The following SHH variants were observed in gnomAD, a reference collection of about 807,000 sequenced individuals.
The protein encoded by SHH is sonic hedgehog signaling molecule.
SHH carries 3 observed loss-of-function variants against 16.6 expected under a neutral mutation model. That is an observed-to-expected ratio of 0.18 (90% CI 0.08 to 0.47). SHH has a LOEUF of 0.47. Ranked by LOEUF, SHH falls within the 20% of genes least tolerant of loss-of-function variation. The probability of loss-of-function intolerance (pLI) is 0.98; values close to 1 mark genes in which losing one functional copy is unlikely to be tolerated. For synonymous variants in SHH, 351 were observed against 316.2 expected (o/e 1.11, Z -1.17); for missense variants, 499 against 665.0 (o/e 0.75, Z 2.75).
intron 1 of SHH, among the ~76,000 whole-genome samples, chr7:155,810,014 C>G (rs1206606150): frequency 6.6e-6 from 1 of 152,002 alleles, no homozygotes; most frequent in African/African-American, 2.4e-5. Context: ...CTACAGCGAG[C>G]CCGGCGCTGC....
chr7:155,806,148 G>A, intron 2 of SHH, 148 bp downstream of exon 2: 2 of 951,856 alleles, frequency 2.1e-6, no homozygotes, highest in Non-Finnish European at 3.3e-6. Flanking sequence ...ACCTCACAGG[G>A]CAGGTTCCAC....
rs1224536995 is a variant in SHH at position 155,809,387 on chromosome 7, C to A, written c.300+2436G>T. Among the ~76,000 whole-genome samples the A allele has an allele frequency of 1.3e-5, 2 of 152,096 alleles. No individual in the cohort carries two copies. Among genetic ancestry groups the A allele is most frequent in the African/African-American group, 2.4e-5 (1 of 41,422 alleles). On this transcript the variant is annotated intron_variant, in intron 1 of 2. Transcript: ENST00000297261. This position sits in a 1 kb window ranked among gnomAD's most constrained non-coding sequence, Gnocchi z 6.1. ...AGGGCGGCCGAGCAGGCTCCCCAAA[C>A]CTCCCGCCGGCCTGGGGCTCCCCTG...
rs774131404 is a variant in SHH, at chr7:155,812,103, C to T, written c.20G>A (p.Cys7Tyr). MLLLARCLLLVLVSSLL... is the reference protein window; with the variant it reads MLLLARYLLLVLVSSLL... ...CGAGGAGACGAGGACTAGCAGCAGA[C>T]ATCTCGCCAGCAGCAGCATCTCGCC... Residue 7 changes from cysteine to tyrosine, a missense_variant, in exon 1 of 3, where the codon TGT becomes TAT. Around this residue, in one of 4 missense-constraint regions of SHH, gnomAD observed 75 missense variants for 115.0 expected, o/e 0.65. Coordinates refer to ENST00000297261, the MANE Select transcript of SHH (RefSeq NM_000193.4). 3.1e-6 allele frequency: 5 copies of T among 1,614,196 alleles called. No individual in the cohort carries two copies. Among genetic ancestry groups the T allele is most frequent in the Middle Eastern group, 3.3e-4 (2 of 6,058 alleles).
chr7:155,809,218 A>G lies in SHH; in HGVS notation c.300+2605T>C, dbSNP rs1283525968. 1 of 152,274 alleles carries G rather than the reference A, an allele frequency of 6.6e-6. No homozygotes were observed. The highest frequency in any genetic ancestry group is 6.5e-5 in the Admixed American group (1 of 15,286). 9.4% of individuals were successfully genotyped at this position (152,274 alleles called of 1,614,324 possible). A position where few individuals can be genotyped will look rare whatever the true frequency, so the allele number is the denominator to read the frequency against. On this transcript the variant is annotated intron_variant, in intron 1 of 2. Coordinates refer to ENST00000297261, the MANE Select transcript of SHH (RefSeq NM_000193.4). The surrounding 1 kb of genome is among the most constrained non-coding windows in gnomAD (Gnocchi z 6.1). ...TAACCGGCAGCTCCTGCGTTCCGGA[A>G]CTGCTCCGAAAGTTCCACTGGGGAC...
At position 155,812,399 on chromosome 7, in the gene SHH, G is replaced by T. The variant is rs1175383573; in HGVS notation, c.-277C>A. On this transcript the variant is annotated 5_prime_UTR_variant, in exon 1 of 3. Transcript: ENST00000297261. ...TAACGGAACACATCGGAGTTGGGTCGCGAGACAGCAATCAAAAGACAAAAA... is the reference window on the plus strand; with the variant it reads ...TAACGGAACACATCGGAGTTGGGTCTCGAGACAGCAATCAAAAGACAAAAA... The T allele has an allele frequency of 5.4e-6, 3 of 555,920 alleles. No homozygotes were observed. The highest frequency in any genetic ancestry group is 9.7e-6 in the Non-Finnish European group (3 of 308,242). 34.4% of individuals were successfully genotyped at this position (555,920 alleles called of 1,614,324 possible).
chr7:155,811,449 C>T (rs1187659095), intron 1 of SHH, among the ~76,000 whole-genome samples: 1 of 152,216 alleles, frequency 6.6e-6, no homozygotes, highest in Non-Finnish European at 1.5e-5. Context: ...TTCCCAGCCT[C>T]TCCTTCCATT....
intron 1 of SHH, chr7:155,808,869 T>TG (rs1451469280): frequency 2.0e-5 from 3 of 152,186 alleles, no homozygotes; most frequent in Non-Finnish European, 4.4e-5. Flanking sequence ...CAGCAGCCGG[T>TG]GGGCTTCCCC....
At position 155,803,594 on chromosome 7, in the gene SHH, C is replaced by A. The variant is rs1409337099; in HGVS notation, c.695G>T (p.Arg232Leu). 2 of 1,598,260 alleles carry A rather than the reference C, an allele frequency of 1.3e-6. No homozygotes were observed. Among genetic ancestry groups the A allele is most frequent in the Non-Finnish European group, 1.7e-6 (2 of 1,179,478 alleles). The part of the protein sequence containing the change: ...DRVLAADDQG[R>L]LLYSDFLTFL... Reference sequence around the variant, plus strand: ...AGTGAGGAAGTCGCTGTAGAGCAGCCGGCCCTGGTCGTCCGCCGCCAGCAC... The same window carrying A: ...AGTGAGGAAGTCGCTGTAGAGCAGCAGGCCCTGGTCGTCCGCCGCCAGCAC... Residue 232 changes from arginine (R) to leucine (L), a missense_variant, in exon 3 of 3, where the codon CGG (arginine) becomes CTG (leucine). Arg to Leu is a moderately radical substitution (Grantham distance 102). Coordinates refer to ENST00000297261, the MANE Select transcript of SHH (RefSeq NM_000193.4).
In SHH at chr7:155,804,565, C is replaced by T. The variant is rs1237956580; in HGVS notation, c.563-839G>A. Among the ~76,000 whole-genome samples, 24 of 151,778 alleles carry T rather than the reference C, an allele frequency of 1.6e-4. 1 individual carries two copies. Among genetic ancestry groups the T allele is most frequent in the African/African-American group, 5.1e-4 (21 of 41,266 alleles). On this transcript the variant is annotated intron_variant, in intron 2 of 2. Transcript: ENST00000297261. ...TATTTGCTCAGGTGCAACCCCCCCC[C>T]ACCCCGTGTGCAATTCACAAGCACT...
At position 155,803,355 on chromosome 7, in the gene SHH, C is replaced by T; in HGVS notation, c.934G>A (p.Gly312Ser). 6.9e-7 allele frequency: 1 copy of T among 1,456,154 alleles called. No individual in the cohort carries two copies. The highest frequency in any genetic ancestry group is 9.0e-7 in the Non-Finnish European group (1 of 1,115,634). The allele number at this position is 1,456,154 out of a possible 1,614,324, so 90.2% of individuals were successfully genotyped here. A position where few individuals can be genotyped will look rare whatever the true frequency, so the allele number is the denominator to read the frequency against. The change falls in exon 3 of 3, where the codon GGC becomes AGC. Residue 312 changes from glycine (G) to serine (S), a missense_variant. Gly to Ser is a moderately conservative substitution (Grantham distance 56, BLOSUM62 0). This residue lies in a region of SHH where 299 missense variants were observed against 301.1 expected (regional missense o/e 0.99). Transcript: ENST00000297261. The part of the protein sequence containing the change: ...RALFASRVRP[G>S]QRVYVVAERD... ...TCGGCCACCACGTACACGCGCTGGC[C>T]CGGGCGCACGCGGCTGGCGAACAGC... is the stretch of plus-strand genomic sequence containing the variant.
Position 155,802,775 on chromosome 7 carries a change from T to G in SHH, c.*125A>C. The G allele has an allele frequency of 1.7e-6, 1 of 585,194 alleles. No homozygotes were observed. The allele number at this position is 585,194 out of a possible 1,614,324, so 36.3% of individuals were successfully genotyped here. A position where few individuals can be genotyped will look rare whatever the true frequency, so the allele number is the denominator to read the frequency against. ...GAGTCTACTTTGGACTGTCCTACTTTATTATTCTTATTCTTATTATAACTC... is the reference window on the plus strand; with the variant it reads ...GAGTCTACTTTGGACTGTCCTACTTGATTATTCTTATTCTTATTATAACTC... On this transcript the variant is annotated 3_prime_UTR_variant, in exon 3 of 3. Coordinates refer to ENST00000297261, the MANE Select transcript of SHH (RefSeq NM_000193.4).
At chr7:155,804,532 C>T (rs1803296813) in intron 2 of SHH, among the ~76,000 whole-genome samples, 1 of 152,038 alleles carries the variant, frequency 6.6e-6, no homozygotes, top group Non-Finnish European at 1.5e-5. Context: ...CGCGGGCCTC[C>T]CCCTCCCTAT....
At chr7:155,805,525 A>T (rs1471562592) in intron 2 of SHH, among the ~76,000 whole-genome samples, 1 of 152,244 alleles carries the variant, frequency 6.6e-6, no homozygotes, top group Non-Finnish European at 1.5e-5. Context: ...GTGCCAATTT[A>T]TGCGGGCGGA....
Position 155,806,204 on chromosome 7 carries a change from G to C in SHH, c.562+92C>G, listed in dbSNP as rs189758010. ...CCAGCGACCCTGCTCCTGGCCCTCA[G>C]CCTCCCCCCAGGTTTCTTTTTCTCT... is the stretch of plus-strand genomic sequence containing the variant. On this transcript the variant is annotated intron_variant, in intron 2 of 2. Transcript: ENST00000297261. 1.2e-5 allele frequency: 18 copies of C among 1,527,940 alleles called. No individual in the cohort carries two copies. In the East Asian group the frequency reaches 4.1e-4, roughly 34 times the overall value. The allele number at this position is 1,527,940 out of a possible 1,614,324, so 94.6% of individuals were successfully genotyped here. A position where few individuals can be genotyped will look rare whatever the true frequency, so the allele number is the denominator to read the frequency against.
chr7:155,811,291 T>G (rs868251177), intron 1 of SHH, among the ~76,000 whole-genome samples: 1 of 152,068 alleles, frequency 6.6e-6, no homozygotes, highest in Non-Finnish European at 1.5e-5. Flanking sequence ...GAGAATTCTT[T>G]GGTGGGGAGG....
Position 155,808,823 on chromosome 7 carries a change from C to A in SHH, c.301-2266G>T, listed in dbSNP as rs1171710761. 2.0e-5 allele frequency among the ~76,000 whole-genome samples: 3 copies of A among 152,340 alleles called. No individual in the cohort carries two copies. The East Asian group carries it at 5.8e-4, about 29-fold the overall frequency. On this transcript the variant is annotated intron_variant, in intron 1 of 2. Coordinates refer to ENST00000297261, the MANE Select transcript of SHH (RefSeq NM_000193.4). Reference sequence around the variant, plus strand: ...CCCACGCCTGAGCTCCCGCCTACCTCCCTGATCTGCGAGCCGCGCCGGCGA... The same window carrying A: ...CCCACGCCTGAGCTCCCGCCTACCTACCTGATCTGCGAGCCGCGCCGGCGA...
At chr7:155,806,062 A>G (rs1803352792) in intron 2 of SHH, among the ~76,000 whole-genome samples, 1 of 152,164 alleles carries the variant, frequency 6.6e-6, no homozygotes, top group Admixed American at 6.5e-5. Context: ...GCAGGAAGCC[A>G]CAGGACCCCA....
intron 1 of SHH, among the ~76,000 whole-genome samples, chr7:155,810,748 A>C (rs1329394862): frequency 6.6e-6 from 1 of 152,224 alleles, no homozygotes; most frequent in Admixed American, 6.5e-5. Context: ...CTCCCCCTGC[A>C]CTTGCGCCCC....
chr7:155,800,779 C>T lies in SHH; in HGVS notation c.*2121G>A. On this transcript the variant is annotated 3_prime_UTR_variant, in exon 3 of 3. Coordinates refer to ENST00000297261, the MANE Select transcript of SHH (RefSeq NM_000193.4). ...TGGTCACACACCCTCCACGGAAGGC[C>T]ACTCAAGGGCAGACCCGTAGCAGAG... 2.6e-6 allele frequency: 1 copy of T among 386,158 alleles called. No homozygotes were observed. Among genetic ancestry groups the T allele is most frequent in the Non-Finnish European group, 5.2e-6 (1 of 193,386 alleles). 23.9% of individuals were successfully genotyped at this position (386,158 alleles called of 1,614,324 possible).
Sources: gnomAD v4.1 joint callset for allele counts (sites outside exome capture counted in the v4.1 genomes callset) on GRCh38, gnomAD v4.1.1 for gene constraint, gnomAD v4.1.1 regional missense constraint, Gnocchi (gnomAD v3.1) non-coding constraint, MANE v1.5 for transcripts, NCBI Gene and HGNC (gene_info 2026-07-23, HGNC 2026-07-21) for gene names.